STRN: variants seen among roughly 807,000 people sequenced by gnomAD.
The protein encoded by STRN is protein phosphatase 2 regulatory subunit B'''alpha.
STRN carries 53 observed loss-of-function variants against 96.3 expected under a neutral mutation model. The observed-to-expected ratio is 0.55, with a 90% CI of 0.44 to 0.69. STRN has a LOEUF of 0.69. STRN is among the 30% of genes least tolerant of loss of function. The pLI is 0.00. For synonymous variants in STRN, 428 were observed against 355.9 expected (o/e 1.20, Z -2.28); for missense variants, 987 against 963.9 (o/e 1.02, Z -0.32).
At chr2:36,956,518 C>T (rs1379712811) in intron 1 of STRN, among the ~76,000 whole-genome samples, 3 of 152,086 alleles carry the variant, frequency 2.0e-5, no homozygotes, top group Non-Finnish European at 2.9e-5. Context: ...TTTCTAATGG[C>T]CCAGAATTGA....
intron 10 of STRN, among the ~76,000 whole-genome samples, chr2:36,876,235 C>A (rs1668907455): frequency 6.6e-6 from 1 of 151,048 alleles, no homozygotes; most frequent in African/African-American, 2.4e-5. Context: ...CAAGCCACTG[C>A]ACTCCAGCCT....
chr2:36,942,088 T>G (rs1467000841), intron 1 of STRN, among the ~76,000 whole-genome samples: 2 of 152,134 alleles, frequency 1.3e-5, no homozygotes, highest in African/African-American at 4.8e-5. Context: ...TACATGTATG[T>G]CTGCTGGGAA....
At chr2:36,960,663 A>G (rs1394080165) in intron 1 of STRN, among the ~76,000 whole-genome samples, 1 of 152,238 alleles carries the variant, frequency 6.6e-6, no homozygotes, top group Non-Finnish European at 1.5e-5. Context: ...GATCAGAATT[A>G]CGGCAAATAT....
At chr2:36,947,341 G>T (rs566335323) in intron 1 of STRN, among the ~76,000 whole-genome samples, 1 of 151,598 alleles carries the variant, frequency 6.6e-6, no homozygotes, top group Non-Finnish European at 1.5e-5. Context: ...AAATTAAATC[G>T]AAATGTCAAA....
At chr2:36,897,024 G>A (rs998520380) in intron 6 of STRN, among the ~76,000 whole-genome samples, 11 of 151,920 alleles carry the variant, frequency 7.2e-5, no homozygotes, top group African/African-American at 2.2e-4. Context: ...AGCATCAGCC[G>A]GGTGTGGTGG....
intron 10 of STRN, among the ~76,000 whole-genome samples, chr2:36,875,298 C>A (rs567534347): frequency 2.0e-5 from 3 of 151,844 alleles, no homozygotes; most frequent in South Asian, 4.2e-4. Context: ...CTGCTTGAGC[C>A]CAGCAGTTCA....
chr2:36,895,517 T>C (rs1221781511), intron 6 of STRN, among the ~76,000 whole-genome samples: 3 of 152,122 alleles, frequency 2.0e-5, no homozygotes, highest in Non-Finnish European at 4.4e-5. Flanking sequence ...TGTGGCAGAC[T>C]GGGAACAGAA....
intron 10 of STRN, among the ~76,000 whole-genome samples, chr2:36,870,398 T>C (rs1410561753): frequency 6.6e-6 from 1 of 152,114 alleles, no homozygotes; most frequent in African/African-American, 2.4e-5. Flanking sequence ...GGGTATGAAT[T>C]CTTCACACTC....
rs550388452 is a variant in STRN, at chr2:36,924,104, C to A, written c.338+1001G>T. ...GGGCATGGTGGCTCACGCCTGTAAT[C>A]CCAGCACTTTGGGAGGCCGAGACGG... On this transcript the variant is annotated intron_variant, in intron 2 of 17. Transcript: ENST00000263918. 4.6e-3 allele frequency among the ~76,000 whole-genome samples: 699 copies of A among 152,202 alleles called. 5 individuals carry two copies. The highest frequency in any genetic ancestry group is 0.015 in the African/African-American group (629 of 41,518).
chr2:36,861,874 G>T (rs375476595), intron 12 of STRN, among the ~76,000 whole-genome samples: 3 of 152,076 alleles, frequency 2.0e-5, no homozygotes, highest in East Asian at 3.9e-4. Context: ...CCTCACTCAG[G>T]AAAAAAGCAT....
intron 1 of STRN, 21 bp downstream of exon 1, chr2:36,966,209 C>T: frequency 6.5e-7 from 1 of 1,531,188 alleles, no homozygotes; most frequent in Non-Finnish European, 8.8e-7. Context: ...ATGAAGACGG[C>T]CAGGCCGGGA....
intron 10 of STRN, among the ~76,000 whole-genome samples, chr2:36,870,683 T>C (rs2148151416): frequency 6.6e-6 from 1 of 152,334 alleles, no homozygotes; most frequent in African/African-American, 2.4e-5. Context: ...CAGAACACAA[T>C]ACTGGATAAT....
At position 36,857,807 on chromosome 2, in the gene STRN, T is replaced by C. The variant is rs767118040; in HGVS notation, c.1837+49A>G. Reference sequence around the variant, plus strand: ...TTTATCTGCTTGCTTATTTTCAGAATAAACTGTTTTATAGAGGATTCAGCA... The same window carrying C: ...TTTATCTGCTTGCTTATTTTCAGAACAAACTGTTTTATAGAGGATTCAGCA... On this transcript the variant is annotated intron_variant, in intron 14 of 17. Coordinates refer to ENST00000263918, the MANE Select transcript of STRN (RefSeq NM_003162.4). The C allele has an allele frequency of 2.8e-6, 4 of 1,443,186 alleles. No homozygotes were observed. In the South Asian group the frequency reaches 5.8e-5, roughly 21 times the overall value. The allele number at this position is 1,443,186 out of a possible 1,614,324, so 89.4% of individuals were successfully genotyped here.
Position 36,878,077 on chromosome 2 carries a change from A to AT in STRN, c.1187-51dup, listed in dbSNP as rs756908266. 4 of 1,598,798 alleles carry AT rather than the reference A, an allele frequency of 2.5e-6. No individual in the cohort carries two copies. In the South Asian group the frequency reaches 4.5e-5, roughly 18 times the overall value. On this transcript the variant is annotated intron_variant, in intron 9 of 17. Coordinates refer to ENST00000263918, the MANE Select transcript of STRN (RefSeq NM_003162.4). Reference sequence around the variant, plus strand: ...ATTAAAAAATCTCTAAGGAGCCAACATTTAGTCTCATTTGCTTGCATCAAA... The same window carrying AT: ...ATTAAAAAATCTCTAAGGAGCCAACATTTTAGTCTCATTTGCTTGCATCAAA...
In STRN at chr2:36,877,950, C is replaced by T. The variant is rs867455268; in HGVS notation, c.1264G>A (p.Gly422Arg). The T allele has an allele frequency of 6.2e-7, 1 of 1,614,094 alleles. No individual in the cohort carries two copies. The highest frequency in any genetic ancestry group is 8.5e-7 in the Non-Finnish European group (1 of 1,180,024). ...GTAAGGCCTGCTAGTTCTCCAAGTC[C>T]CAGTTCACTTTCAAGGGCTTCATCT... ...GADEALESEL[G>R]LGELAGLTVA... The change falls in exon 10 of 18, where the codon GGA becomes AGA. Residue 422 changes from glycine (G) to arginine (R), a missense_variant. Physicochemically the swap from Gly to Arg is moderately radical, Grantham distance 125 (BLOSUM62 -2). Coordinates refer to ENST00000263918, the MANE Select transcript of STRN (RefSeq NM_003162.4).
rs532129705 is a variant in STRN, at chr2:36,905,635, C to A, written c.413-17G>T. ...TACCTTCATCTAGAAAACATTAAGT[C>A]ATAATAAAACTGACTTGTTTTACGT... On this transcript the variant is annotated splice_polypyrimidine_tract_variant and intron_variant, in intron 3 of 17. Coordinates refer to ENST00000263918, the MANE Select transcript of STRN (RefSeq NM_003162.4). 1.2e-6 allele frequency: 2 copies of A among 1,608,958 alleles called. No individual in the cohort carries two copies. Among genetic ancestry groups the A allele is most frequent in the African/African-American group, 2.7e-5 (2 of 74,930 alleles).
intron 7 of STRN, among the ~76,000 whole-genome samples, chr2:36,890,864 G>T (rs1270938188): frequency 6.6e-6 from 1 of 152,006 alleles, no homozygotes; most frequent in Admixed American, 6.6e-5. Flanking sequence ...GAACACTAAG[G>T]GCAAGAAGAA....
rs760113246 is a variant in STRN, at chr2:36,966,480, C to G, written c.-17G>C. The G allele has an allele frequency of 1.4e-6, 2 of 1,424,722 alleles. No homozygotes were observed. The highest frequency in any genetic ancestry group is 3.1e-5 in the East Asian group (1 of 32,416). The allele number at this position is 1,424,722 out of a possible 1,614,324, so 88.3% of individuals were successfully genotyped here. A position where few individuals can be genotyped will look rare whatever the true frequency, so the allele number is the denominator to read the frequency against. ...CTCGTCCATGGCGGCCGCAGATACC[C>G]GGGGAGCTGCCCCGGCGCCCAGCAG... On this transcript the variant is annotated 5_prime_UTR_variant, in exon 1 of 18. Transcript: ENST00000263918.
intron 1 of STRN, among the ~76,000 whole-genome samples, chr2:36,958,207 A>C (rs1310582010): frequency 6.6e-6 from 1 of 152,058 alleles, no homozygotes; most frequent in Non-Finnish European, 1.5e-5. Context: ...AGCATGAGCC[A>C]CCGTGCCTGT....
Sources: gnomAD v4.1 joint callset for allele counts (sites outside exome capture counted in the v4.1 genomes callset) on GRCh38, gnomAD v4.1.1 for gene constraint, MANE v1.5 for transcripts, NCBI Gene and HGNC (gene_info 2026-07-23, HGNC 2026-07-21) for gene names.